The following CHSY3 variants were observed in gnomAD, a reference collection of about 807,000 sequenced individuals.
The protein encoded by CHSY3 is chondroitin sulfate synthase 3.
In CHSY3, 35 loss-of-function variants were observed where a neutral mutation model predicts 67.2. The observed-to-expected ratio is 0.52, with a 90% CI of 0.40 to 0.69. The LOEUF (loss-of-function observed/expected upper bound fraction) is 0.69, where lower values mean the gene tolerates loss of function less well. Among genes scored for constraint, CHSY3 ranks in the 30% least tolerant of loss-of-function variants. The probability of loss-of-function intolerance (pLI) is 0.00; values close to 1 mark genes in which losing one functional copy is unlikely to be tolerated. For missense variants in CHSY3, 1,069 were observed against 1,138.5 expected, an observed-to-expected ratio of 0.94 and a Z score of 0.88; for synonymous variants, 474 against 434.7, an observed-to-expected ratio of 1.09 and a Z score of -1.12.
intron 2 of CHSY3, among the ~76,000 whole-genome samples, chr5:130,047,535 A>T (rs1765190605): frequency 6.6e-6 from 1 of 152,102 alleles, no homozygotes; most frequent in Non-Finnish European, 1.5e-5. Flanking sequence ...TCCCTTATTT[A>T]TCCAGAATTT....
chr5:130,140,735 CATTTT>C (rs1768837176), intron 2 of CHSY3: 1 of 262,676 alleles, frequency 3.8e-6, no homozygotes, highest in Non-Finnish European at 7.1e-6. Flanking sequence ...AATGGTTAAC[CATTTT>C]ATTACTGAGT....
chr5:130,120,209 G>A (rs1273137026), intron 2 of CHSY3, among the ~76,000 whole-genome samples: 1 of 152,162 alleles, frequency 6.6e-6, no homozygotes, highest in South Asian at 2.1e-4. Context: ...GCTGCTTGGG[G>A]TCCCCCACCT....
intron 2 of CHSY3, among the ~76,000 whole-genome samples, chr5:129,941,305 A>T (rs1761691563): frequency 6.6e-6 from 1 of 152,234 alleles, no homozygotes; most frequent in African/African-American, 2.4e-5. Context: ...GAACATCCAT[A>T]TCTTTGTATA....
At chr5:130,037,255 C>T (rs1432713057) in intron 2 of CHSY3, among the ~76,000 whole-genome samples, 1 of 152,056 alleles carries the variant, frequency 6.6e-6, no homozygotes, top group Non-Finnish European at 1.5e-5. Flanking sequence ...GTGAGTTTCA[C>T]CACCAATGCA....
intron 2 of CHSY3, among the ~76,000 whole-genome samples, chr5:129,985,049 G>C (rs1023030443): frequency 6.6e-6 from 1 of 152,014 alleles, no homozygotes; most frequent in Non-Finnish European, 1.5e-5. Flanking sequence ...GTCAATTTTT[G>C]GTTTTGTTAC....
chr5:130,128,626 C>A (rs1340900122), intron 2 of CHSY3, among the ~76,000 whole-genome samples: 1 of 151,958 alleles, frequency 6.6e-6, no homozygotes, highest in East Asian at 1.9e-4. Context: ...ATGTTGCATA[C>A]CTGAAATTGC....
intron 2 of CHSY3, among the ~76,000 whole-genome samples, chr5:129,932,067 A>G (rs1021285701): frequency 1.7e-4 from 25 of 150,200 alleles, no homozygotes; most frequent in Non-Finnish European, 2.8e-4. Flanking sequence ...ATTTGTATAT[A>G]AACAATAAAA....
chr5:130,012,613 C>A (rs1401447351), intron 2 of CHSY3, among the ~76,000 whole-genome samples: 1 of 152,100 alleles, frequency 6.6e-6, no homozygotes, highest in Non-Finnish European at 1.5e-5. Flanking sequence ...ATTCCAGATG[C>A]TTATAATCCA....
At chr5:130,105,556 G>A (rs1296393092) in intron 2 of CHSY3, among the ~76,000 whole-genome samples, 1 of 151,604 alleles carries the variant, frequency 6.6e-6, no homozygotes, top group Admixed American at 6.6e-5. Flanking sequence ...CATAGGCCCT[G>A]TTTCATTCTG....
intron 2 of CHSY3, among the ~76,000 whole-genome samples, chr5:130,010,933 T>G (rs545133138): frequency 1.4e-4 from 14 of 99,104 alleles, no homozygotes; most frequent in Non-Finnish European, 2.3e-4. Flanking sequence ...TAGAAAGAAA[T>G]TAAAACCCGA....
intron 2 of CHSY3, among the ~76,000 whole-genome samples, chr5:130,038,367 G>A (rs530900854): frequency 6.9e-4 from 105 of 151,918 alleles, no homozygotes; most frequent in African/African-American, 2.4e-3. Context: ...TATTAAGCTC[G>A]AAAATAGACT....
At chr5:130,115,904 G>A (rs1390700688) in intron 2 of CHSY3, among the ~76,000 whole-genome samples, 1 of 152,146 alleles carries the variant, frequency 6.6e-6, no homozygotes, top group African/African-American at 2.4e-5. Flanking sequence ...ACCATCCCTG[G>A]AGTCTGACTG....
chr5:130,079,868 G>A (rs550686620), intron 2 of CHSY3, among the ~76,000 whole-genome samples: 4 of 152,114 alleles, frequency 2.6e-5, no homozygotes, highest in East Asian at 1.9e-4. Context: ...ACATTAGCAC[G>A]AGAATTTATC....
chr5:129,981,050 CAAAAAAAAAAA>C (rs71000945), intron 2 of CHSY3, among the ~76,000 whole-genome samples: 4 of 130,936 alleles, frequency 3.1e-5, no homozygotes, highest in Non-Finnish European at 6.4e-5. Flanking sequence ...ACTGAAAATA[CAAAAAAAAAAA>C]AAAAAAAAAA....
intron 2 of CHSY3, among the ~76,000 whole-genome samples, chr5:130,167,948 G>A (rs1265528583): frequency 7.9e-5 from 12 of 152,080 alleles, no homozygotes; most frequent in Admixed American, 7.9e-4. Flanking sequence ...GGGAATGGAA[G>A]AGCAGGTCTC....
intron 2 of CHSY3, among the ~76,000 whole-genome samples, chr5:130,031,116 G>A (rs4329044): frequency 0.94 from 143,221 of 151,888 alleles, 67,629 homozygotes; most frequent in East Asian, 1. Context: ...AAATAAATAA[G>A]TAAATAAATA....
At chr5:129,970,784 A>G (rs1299993102) in intron 2 of CHSY3, among the ~76,000 whole-genome samples, 3 of 151,936 alleles carry the variant, frequency 2.0e-5, no homozygotes, top group Non-Finnish European at 4.4e-5. Flanking sequence ...ACTCTAGGCT[A>G]TAAAACTATG....
chr5:130,033,766 T>C (rs1425996229), intron 2 of CHSY3, among the ~76,000 whole-genome samples: 1 of 113,204 alleles, frequency 8.8e-6, no homozygotes, highest in Non-Finnish European at 2.1e-5. Flanking sequence ...ATGTACTTTA[T>C]ATTTGCTTTA....
intron 2 of CHSY3, among the ~76,000 whole-genome samples, chr5:130,059,574 G>T (rs1257811359): frequency 1.3e-5 from 2 of 151,730 alleles, no homozygotes; most frequent in African/African-American, 4.8e-5. Context: ...TCTTAACTTG[G>T]TTACATCTGC....
Sources: allele counts gnomAD v4.1 joint callset (sites outside exome capture counted in the v4.1 genomes callset), GRCh38; gene constraint gnomAD v4.1.1; transcripts MANE v1.5; gene names NCBI Gene and HGNC (gene_info 2026-07-23, HGNC 2026-07-21).